The following HEPHL1 variants were observed in gnomAD, a reference collection of about 807,000 sequenced individuals.
HEPHL1 encodes the protein hephaestin like 1.
HEPHL1 carries 123 observed loss-of-function variants against 122.0 expected under a neutral mutation model. The ratio of observed to expected loss-of-function variants is 1.01; its 90% CI spans 0.87 to 1.17. The LOEUF (loss-of-function observed/expected upper bound fraction) is 1.17, where lower values mean the gene tolerates loss of function less well. Among genes scored for constraint, HEPHL1 ranks in the 50% most tolerant of loss-of-function variants. HEPHL1 has a pLI of 0.00. For synonymous variants in HEPHL1, 527 were observed against 508.9 expected (o/e 1.04, Z -0.48); for missense variants, 1,452 against 1,430.5 (o/e 1.01, Z -0.24).
intron 10 of HEPHL1, among the ~76,000 whole-genome samples, chr11:94,085,428 C>T (rs1176794351): frequency 2.0e-5 from 3 of 152,010 alleles, no homozygotes; most frequent in Non-Finnish European, 2.9e-5. Context: ...GCTTAAGTAC[C>T]CCCTAAAAAA....
chr11:94,076,664 A>C (rs1298228979), intron 9 of HEPHL1, among the ~76,000 whole-genome samples: 1 of 152,120 alleles, frequency 6.6e-6, no homozygotes, highest in Admixed American at 6.5e-5. Flanking sequence ...TGAGAGAGAA[A>C]ACCATTTGGC....
chr11:94,064,201 T>G (rs754227558), intron 3 of HEPHL1, 130 bp from the exon 4 acceptor site: 7 of 612,874 alleles, frequency 1.1e-5, no homozygotes, highest in Non-Finnish European at 1.9e-5. Context: ...TTTTGCTGAT[T>G]TTATATGGTG....
rs1392894251 is a variant in HEPHL1, at chr11:94,093,993, TATATATATATATATATATATAA to T, written c.2434+355_2434+376del. On this transcript the variant is annotated intron_variant, in intron 13 of 19. Transcript: ENST00000315765. ...GCAGATATATATATATATATATATA[TATATATATATATATATATATAA>T]AACTTTAAGTTCTAGGGTACATGTG... 1.1e-3 allele frequency among the ~76,000 whole-genome samples: 96 copies of T among 88,488 alleles called. 1 individual carries two copies. Among genetic ancestry groups the T allele is most frequent in the African/African-American group, 5.0e-3 (89 of 17,964 alleles). The allele number at this position is 88,488 out of a possible 152,430, so 58.1% of individuals were successfully genotyped here.
At chr11:94,071,769 G>A (rs1261497306) in intron 6 of HEPHL1, among the ~76,000 whole-genome samples, 1 of 152,094 alleles carries the variant, frequency 6.6e-6, no homozygotes, top group African/African-American at 2.4e-5. Flanking sequence ...AAGCTGGCCA[G>A]GGAACACATT....
intron 11 of HEPHL1, among the ~76,000 whole-genome samples, chr11:94,087,769 A>G (rs1350106810): frequency 2.0e-5 from 3 of 152,106 alleles, no homozygotes; most frequent in African/African-American, 7.2e-5. Flanking sequence ...ACCCTTCCTC[A>G]TGTGTCCTCA....
intron 8 of HEPHL1, among the ~76,000 whole-genome samples, chr11:94,073,999 C>G (rs187025329): frequency 6.6e-6 from 1 of 152,264 alleles, no homozygotes; most frequent in Non-Finnish European, 1.5e-5. Context: ...GTAGCTGTTG[C>G]CCAGTGGCTG....
At chr11:94,042,415 C>A (rs1161053829) in intron 1 of HEPHL1, among the ~76,000 whole-genome samples, 1 of 142,034 alleles carries the variant, frequency 7.0e-6, no homozygotes, top group Non-Finnish European at 1.5e-5. Flanking sequence ...GCTATAAAGA[C>A]ACATGCACAC....
chr11:94,059,486 AC>A (rs34139237), intron 2 of HEPHL1, among the ~76,000 whole-genome samples: 29 of 152,132 alleles, frequency 1.9e-4, no homozygotes, highest in African/African-American at 6.3e-4. Context: ...TTCTCCCATG[AC>A]CCCATCAATC....
At chr11:94,075,120 C>T in intron 8 of HEPHL1, 54 bp from the exon 9 acceptor site, 3 of 1,487,640 alleles carry the variant, frequency 2.0e-6, no homozygotes, top group South Asian at 1.2e-5. Context: ...CCAGTCTGAC[C>T]AATGTAATGT....
In HEPHL1 at chr11:94,064,411, CA is replaced by C; in HGVS notation, c.712del (p.Ser238AlafsTer64). On this transcript the variant is annotated frameshift_variant, in exon 4 of 20. Coordinates refer to ENST00000315765, the MANE Select transcript of HEPHL1 (RefSeq NM_001098672.2). LOFTEE classifies it high-confidence loss of function. ...AATGTTTACTCTTGTGGATGAGAAT[CA>C]AAGCTGGTACCTCAATGAAAATATC... is the stretch of plus-strand genomic sequence containing the variant. ...VIMFTLVDEN[Q>X]SWYLNENIKH... 1.9e-6 allele frequency: 3 copies of C among 1,612,374 alleles called. No homozygotes were observed. In the South Asian group the frequency reaches 3.3e-5, roughly 18 times the overall value.
chr11:94,074,367 A>G (rs1476166896), intron 8 of HEPHL1, among the ~76,000 whole-genome samples: 1 of 152,100 alleles, frequency 6.6e-6, no homozygotes, highest in Non-Finnish European at 1.5e-5. Flanking sequence ...GGAATTCAAG[A>G]TTACAGTTAT....
At chr11:94,095,609 A>T (rs905715107) in intron 13 of HEPHL1, among the ~76,000 whole-genome samples, 1 of 151,896 alleles carries the variant, frequency 6.6e-6, no homozygotes. Context: ...CCATTGGGAA[A>T]TGGCAGTATG....
At chr11:94,100,794 A>G (rs1433342323) in intron 13 of HEPHL1, among the ~76,000 whole-genome samples, 2 of 152,204 alleles carry the variant, frequency 1.3e-5, no homozygotes, top group Admixed American at 6.5e-5. Flanking sequence ...ATGATTTCTC[A>G]GTAGTAAAAA....
At chr11:94,044,343 T>C (rs142845199) in intron 1 of HEPHL1, among the ~76,000 whole-genome samples, 2 of 152,292 alleles carry the variant, frequency 1.3e-5, no homozygotes, top group Non-Finnish European at 2.9e-5. Flanking sequence ...TCTGGTCTCA[T>C]AACAGTGTCT....
At chr11:94,074,602 G>A (rs1946104869) in intron 8 of HEPHL1, among the ~76,000 whole-genome samples, 1 of 152,076 alleles carries the variant, frequency 6.6e-6, no homozygotes, top group Non-Finnish European at 1.5e-5. Flanking sequence ...GAATCAATGT[G>A]TTTTTTGGCA....
chr11:94,033,164 G>A (rs769062109), intron 1 of HEPHL1, among the ~76,000 whole-genome samples: 1 of 152,114 alleles, frequency 6.6e-6, no homozygotes, highest in South Asian at 2.1e-4. Context: ...CTACTCTAAA[G>A]CTTTTTAATA....
intron 13 of HEPHL1, among the ~76,000 whole-genome samples, chr11:94,094,014 A>G (rs1293864895): frequency 8.3e-6 from 1 of 120,132 alleles, no homozygotes; most frequent in African/African-American, 3.8e-5. Flanking sequence ...ATATATATAT[A>G]AAACTTTAAG....
chr11:94,072,752 G>C (rs533791738), intron 6 of HEPHL1, among the ~76,000 whole-genome samples: 28 of 151,992 alleles, frequency 1.8e-4, no homozygotes, highest in Non-Finnish European at 3.2e-4. Flanking sequence ...CTCTACTATT[G>C]GTAAATAAGG....
At chr11:94,095,758 C>G (rs1053725209) in intron 13 of HEPHL1, among the ~76,000 whole-genome samples, 10 of 152,196 alleles carry the variant, frequency 6.6e-5, no homozygotes, top group African/African-American at 2.4e-4. Context: ...AAGTTGGATT[C>G]CTAGGTATTT....
Sources: gnomAD v4.1 joint callset for allele counts (sites outside exome capture counted in the v4.1 genomes callset) on GRCh38, gnomAD v4.1.1 for gene constraint, MANE v1.5 for transcripts, NCBI Gene and HGNC (gene_info 2026-07-23, HGNC 2026-07-21) for gene names.